The following CELF2 variants were observed in gnomAD, a reference collection of about 807,000 sequenced individuals.
CELF2 encodes CUG triplet repeat RNA-binding protein 2.
In CELF2, 8 loss-of-function variants were observed where a neutral mutation model predicts 62.6. The ratio of observed to expected loss-of-function variants is 0.13; its 90% CI spans 0.07 to 0.23. The LOEUF (loss-of-function observed/expected upper bound fraction) is 0.23, where lower values mean the gene tolerates loss of function less well. Ranked by LOEUF, CELF2 falls within the 10% of genes least tolerant of loss-of-function variation. The pLI is 1.00. For missense variants in CELF2, 333 were observed against 671.0 expected (o/e 0.50, Z 5.56); for synonymous variants, 258 against 250.0 (o/e 1.03, Z -0.30).
chr10:11,143,103 C>T (rs1282514244), intron 1 of CELF2, among the ~76,000 whole-genome samples: 1 of 152,182 alleles, frequency 6.6e-6, no homozygotes, highest in Admixed American at 6.5e-5. Context: ...TGGGGAATCT[C>T]GCTCCCCTCG....
rs1301642816 is a variant in CELF2 at position 11,214,865 on chromosome 10, G to A, written c.272-2560G>A. ...CCGTACTAGTTGTAAAGGCAGAGTG[G>A]ACCTTGGATGAAACTAGAAAGTATT... On this transcript the variant is annotated intron_variant, in intron 2 of 12. Coordinates refer to ENST00000633077, the MANE Select transcript of CELF2 (RefSeq NM_001326342.2). This position sits in a 1 kb window ranked among gnomAD's most constrained non-coding sequence, Gnocchi z 4.2. 1.3e-5 allele frequency among the ~76,000 whole-genome samples: 2 copies of A among 152,146 alleles called. No individual in the cohort carries two copies. The highest frequency in any genetic ancestry group is 2.9e-5 in the Non-Finnish European group (2 of 68,014).
Position 11,042,828 on chromosome 10 carries a change from T to C in CELF2, c.74+24665T>C, listed in dbSNP as rs75281418. Among the ~76,000 whole-genome samples, 828 of 152,314 alleles carry C rather than the reference T, an allele frequency of 5.4e-3. 2 individuals are homozygous for C. The highest frequency in any genetic ancestry group is 0.013 in the South Asian group (62 of 4,828). On this transcript the variant is annotated intron_variant, in intron 1 of 12. Transcript: ENST00000633077. ...TTGTGTCTGGCTTTTGTTTAACTTA[T>C]GATGTTTTTGGAGATTTATCCATGT...
chr10:10,539,911 C>A, the CELF2 span, among the ~76,000 whole-genome samples: 5 of 152,268 alleles, frequency 3.3e-5, no homozygotes, highest in East Asian at 5.8e-4. Context: ...ATTTTTATTT[C>A]TTTTTCCCTT....
intron 2 of CELF2, among the ~76,000 whole-genome samples, chr10:10,985,447 C>T (rs1023539664): frequency 6.6e-6 from 1 of 152,126 alleles, no homozygotes; most frequent in African/African-American, 2.4e-5. Context: ...ATCTGCCTTT[C>T]TTAAAATCCT....
intron 1 of CELF2, among the ~76,000 whole-genome samples, chr10:10,892,254 G>A (rs1015949019): frequency 4.6e-5 from 7 of 152,138 alleles, no homozygotes; most frequent in Non-Finnish European, 8.8e-5. Flanking sequence ...GTCACAATCA[G>A]GTTTAGGCAG....
At chr10:11,173,594 G>A (rs1258937128) in intron 2 of CELF2, among the ~76,000 whole-genome samples, 2 of 152,148 alleles carry the variant, frequency 1.3e-5, no homozygotes, top group Non-Finnish European at 2.9e-5. Context: ...ACTGCTTTTT[G>A]TATCTTATGT....
At chr10:11,118,498 A>G (rs758760863) in intron 1 of CELF2, among the ~76,000 whole-genome samples, 1 of 152,150 alleles carries the variant, frequency 6.6e-6, no homozygotes, top group African/African-American at 2.4e-5. Flanking sequence ...ATGCTCAAAG[A>G]TACGTCACTT....
intron 1 of CELF2, among the ~76,000 whole-genome samples, chr10:11,077,358 C>T (rs1193288202): frequency 3.9e-5 from 6 of 152,156 alleles, no homozygotes; most frequent in African/African-American, 9.7e-5. Context: ...TAAGGAAACA[C>T]GACTCTGGAA....
the CELF2 span, among the ~76,000 whole-genome samples, chr10:10,788,514 G>GT: frequency 3.1e-5 from 4 of 130,068 alleles, no homozygotes; most frequent in Non-Finnish European, 6.2e-5. Flanking sequence ...CCAGGCTGGA[G>GT]TGCAGTGGTG....
the CELF2 span, among the ~76,000 whole-genome samples, chr10:10,659,826 A>G: frequency 6.6e-6 from 1 of 152,178 alleles, no homozygotes; most frequent in East Asian, 1.9e-4. Flanking sequence ...ATCCACCAGA[A>G]TGGCTTCAAA....
rs1448244132 is a variant in CELF2, at chr10:10,974,228, A to AT, written c.89+54235dup. On this transcript the variant is annotated intron_variant, in intron 2 of 13. Coordinates refer to the CELF2 transcript ENST00000636488. Reference sequence around the variant, plus strand: ...TATTCAATAAATGGTGGTTAATATCATTTTTTATGTTAGATTCCTCTGTTT... The same window carrying AT: ...TATTCAATAAATGGTGGTTAATATCATTTTTTTATGTTAGATTCCTCTGTTT... Among the ~76,000 whole-genome samples, 12 of 152,296 alleles carry AT rather than the reference A, an allele frequency of 7.9e-5. No homozygotes were observed. The East Asian group carries it at 2.3e-3, about 29-fold the overall frequency.
At chr10:11,254,240 A>C (rs1243760263) in intron 4 of CELF2, among the ~76,000 whole-genome samples, 1 of 152,278 alleles carries the variant, frequency 6.6e-6, no homozygotes, top group East Asian at 1.9e-4. Flanking sequence ...GGGTGTGTTC[A>C]GTATTCCCCA....
At chr10:11,140,867 A>C (rs925222460) in intron 1 of CELF2, among the ~76,000 whole-genome samples, 1 of 152,164 alleles carries the variant, frequency 6.6e-6, no homozygotes, top group African/African-American at 2.4e-5. Context: ...AAATTTAAAA[A>C]TTAGCCAGGC....
At chr10:10,575,880 C>T in the CELF2 span, among the ~76,000 whole-genome samples, 6 of 152,152 alleles carry the variant, frequency 3.9e-5, no homozygotes, top group Admixed American at 6.5e-5. Flanking sequence ...CTTTCAAGAT[C>T]ACAGTAGAGG....
chr10:10,604,831 G>A, the CELF2 span, among the ~76,000 whole-genome samples: 1 of 152,254 alleles, frequency 6.6e-6, no homozygotes, highest in Non-Finnish European at 1.5e-5. Flanking sequence ...CTTTGAATAT[G>A]TATATTCCAT....
chr10:10,682,486 G>A, the CELF2 span, among the ~76,000 whole-genome samples: 1 of 152,198 alleles, frequency 6.6e-6, no homozygotes, highest in Non-Finnish European at 1.5e-5. Flanking sequence ...GAGTGATCCG[G>A]CCCATCAGGT....
intron 1 of CELF2, among the ~76,000 whole-genome samples, chr10:10,894,157 CAAAA>C (rs145415817): frequency 6.7e-6 from 1 of 149,942 alleles, no homozygotes; most frequent in Non-Finnish European, 1.5e-5. Context: ...TCATTTTGGG[CAAAA>C]AAAAGAATTG....
At chr10:10,705,807 G>A in the CELF2 span, among the ~76,000 whole-genome samples, 1 of 152,188 alleles carries the variant, frequency 6.6e-6, no homozygotes, top group African/African-American at 2.4e-5. Flanking sequence ...ACCTGTAGAA[G>A]TCTGTGTGTC....
rs888714481 is a variant in CELF2 at position 11,315,702 on chromosome 10, G to A, written c.1096+1444G>A. ...GCCCGTGAAGTGGTAGCTGTGCCGC[G>A]GCCTCATTGTTTTATTCCAGTTAGA... On this transcript the variant is annotated intron_variant, in intron 10 of 12. Coordinates refer to ENST00000633077, the MANE Select transcript of CELF2 (RefSeq NM_001326342.2). The surrounding 1 kb of genome is among the most constrained non-coding windows in gnomAD (Gnocchi z 5.8). Among the ~76,000 whole-genome samples, 16 of 152,146 alleles carry A rather than the reference G, an allele frequency of 1.1e-4. No individual in the cohort carries two copies. The highest frequency in any genetic ancestry group is 4.1e-4 in the South Asian group (2 of 4,826).
Sources: allele counts gnomAD v4.1 joint callset (sites outside exome capture counted in the v4.1 genomes callset), GRCh38; gene constraint gnomAD v4.1.1; non-coding constraint Gnocchi (gnomAD v3.1); transcripts MANE v1.5; gene names NCBI Gene and HGNC (gene_info 2026-07-23, HGNC 2026-07-21).